Variants in CCDC91 observed in about 807,000 individuals in gnomAD.
CCDC91 encodes coiled-coil domain-containing protein 91.
A neutral mutation model predicts 63.2 loss-of-function variants in CCDC91; 48 were observed. That is an observed-to-expected ratio of 0.76 (90% CI 0.60 to 0.97). The LOEUF (loss-of-function observed/expected upper bound fraction) is 0.97, where lower values mean the gene tolerates loss of function less well. Ranked by LOEUF, CCDC91 falls within the 50% of genes least tolerant of loss-of-function variation. The pLI is 0.00. For synonymous variants in CCDC91, 167 were observed against 165.8 expected (o/e 1.01, Z -0.06); for missense variants, 500 against 494.6 (o/e 1.01, Z -0.10).
intron 1 of CCDC91, among the ~76,000 whole-genome samples, chr12:28,220,215 AATG>A (rs1943844110): frequency 6.6e-6 from 1 of 151,856 alleles, no homozygotes; most frequent in Non-Finnish European, 1.5e-5. Flanking sequence ...GGATGCTTTT[AATG>A]ATTTCATTTT....
At chr12:28,529,631 T>A (rs1941570885) in intron 12 of CCDC91, among the ~76,000 whole-genome samples, 3 of 152,100 alleles carry the variant, frequency 2.0e-5, no homozygotes, top group South Asian at 4.1e-4. Context: ...CGCTTTGAGA[T>A]GGGGAACAGG....
intron 8 of CCDC91, among the ~76,000 whole-genome samples, chr12:28,445,822 C>G (rs2140277503): frequency 6.6e-6 from 1 of 152,272 alleles, no homozygotes; most frequent in Middle Eastern, 3.4e-3. Context: ...CGCGAGTGCT[C>G]TTTTCCCCAT....
chr12:28,364,960 C>T (rs1291206293), intron 7 of CCDC91, among the ~76,000 whole-genome samples: 8 of 152,062 alleles, frequency 5.3e-5, no homozygotes, highest in Admixed American at 4.6e-4. Flanking sequence ...CCTCAGAGTA[C>T]TATAATATTA....
At chr12:28,335,361 T>A (rs1467891494) in intron 6 of CCDC91, among the ~76,000 whole-genome samples, 1 of 127,386 alleles carries the variant, frequency 7.9e-6, no homozygotes, top group East Asian at 2.0e-4. Flanking sequence ...AAATATATAT[T>A]CACATATAAA....
intron 1 of CCDC91, among the ~76,000 whole-genome samples, chr12:28,193,483 C>A (rs1941451634): frequency 6.6e-6 from 1 of 152,018 alleles, no homozygotes; most frequent in African/African-American, 2.4e-5. Flanking sequence ...TGCCTGTAAT[C>A]CCAGCTACTC....
chr12:28,273,781 T>G (rs1261632762), intron 3 of CCDC91, among the ~76,000 whole-genome samples: 2 of 152,144 alleles, frequency 1.3e-5, no homozygotes, highest in African/African-American at 4.8e-5. Context: ...TTTCTCCCAT[T>G]CTGTAGGTTG....
intron 12 of CCDC91, among the ~76,000 whole-genome samples, chr12:28,488,498 G>A (rs1951836924): frequency 6.6e-6 from 1 of 151,652 alleles, no homozygotes; most frequent in Non-Finnish European, 1.5e-5. Flanking sequence ...TAATAAAAAT[G>A]CCTTTTTATA....
chr12:28,395,956 C>T (rs1946261775), intron 8 of CCDC91, among the ~76,000 whole-genome samples: 1 of 152,142 alleles, frequency 6.6e-6, no homozygotes, highest in South Asian at 2.1e-4. Flanking sequence ...TGACATGGCA[C>T]TCGGCTTGGT....
At chr12:28,516,966 T>C (rs1199380542) in intron 12 of CCDC91, among the ~76,000 whole-genome samples, 1 of 151,970 alleles carries the variant, frequency 6.6e-6, no homozygotes, top group Admixed American at 6.6e-5. Context: ...TAGTCAGTCA[T>C]GCAAACTAGC....
intron 7 of CCDC91, among the ~76,000 whole-genome samples, chr12:28,364,518 A>G (rs924352633): frequency 1.3e-5 from 2 of 152,246 alleles, no homozygotes; most frequent in African/African-American, 4.8e-5. Context: ...GAAAAGTCCT[A>G]TATTATTATA....
chr12:28,293,100 CAA>C (rs1411513663), intron 3 of CCDC91, among the ~76,000 whole-genome samples: 2 of 151,862 alleles, frequency 1.3e-5, no homozygotes, highest in South Asian at 2.1e-4. Flanking sequence ...GTGATTAAGT[CAA>C]AGATTATTAA....
intron 12 of CCDC91, among the ~76,000 whole-genome samples, chr12:28,497,779 A>G (rs1426990366): frequency 1.3e-5 from 2 of 151,686 alleles, no homozygotes; most frequent in African/African-American, 2.4e-5. Context: ...ATTTAAATGT[A>G]TACTTTTTAT....
chr12:28,528,648 G>T (rs561400194), intron 12 of CCDC91, among the ~76,000 whole-genome samples: 1 of 152,084 alleles, frequency 6.6e-6, no homozygotes, highest in South Asian at 2.1e-4. Context: ...CCTGCCTCCC[G>T]TCTGCCATGA....
intron 12 of CCDC91, among the ~76,000 whole-genome samples, chr12:28,496,363 A>C (rs1793444174): frequency 6.6e-6 from 1 of 151,568 alleles, no homozygotes; most frequent in African/African-American, 2.4e-5. Flanking sequence ...CTAATTCCTC[A>C]CTTATGAATC....
intron 6 of CCDC91, among the ~76,000 whole-genome samples, chr12:28,355,028 T>C (rs1178069556): frequency 6.6e-6 from 1 of 152,108 alleles, no homozygotes; most frequent in African/African-American, 2.4e-5. Context: ...CTTTTATCCC[T>C]CTTTCTCCTT....
chr12:28,250,749 A>G (rs549567379), intron 1 of CCDC91, among the ~76,000 whole-genome samples: 3 of 152,236 alleles, frequency 2.0e-5, no homozygotes, highest in African/African-American at 2.4e-5. Flanking sequence ...ACTATGTGCT[A>G]GGAACTGCTC....
chr12:28,242,922 A>G (rs1945443555), intron 1 of CCDC91, among the ~76,000 whole-genome samples: 1 of 152,112 alleles, frequency 6.6e-6, no homozygotes. Flanking sequence ...CTGACATGTA[A>G]GAGGTGTCTG....
chr12:28,281,468 A>G (rs1565726898), intron 3 of CCDC91, among the ~76,000 whole-genome samples: 1 of 152,216 alleles, frequency 6.6e-6, no homozygotes. Flanking sequence ...GAATCAGGCC[A>G]TAATTATCTA....
intron 12 of CCDC91, among the ~76,000 whole-genome samples, chr12:28,491,280 A>C (rs1261719205): frequency 6.6e-6 from 1 of 151,762 alleles, no homozygotes; most frequent in African/African-American, 2.4e-5. Flanking sequence ...TTTAACTTTA[A>C]AAAACATATA....
Sources: gnomAD v4.1 joint callset for allele counts (sites outside exome capture counted in the v4.1 genomes callset) on GRCh38, gnomAD v4.1.1 for gene constraint, MANE v1.5 for transcripts, NCBI Gene and HGNC (gene_info 2026-07-23, HGNC 2026-07-21) for gene names.